ADAMTS17: variants seen among roughly 807,000 people sequenced by gnomAD.
ADAMTS17 encodes the protein ADAM metallopeptidase with thrombospondin type 1 motif 17.
A neutral mutation model predicts 141.5 loss-of-function variants in ADAMTS17; 113 were observed. That is an observed-to-expected ratio of 0.80 (90% confidence interval 0.69 to 0.93). The LOEUF (loss-of-function observed/expected upper bound fraction) is 0.93, where lower values mean the gene tolerates loss of function less well. ADAMTS17 is among the 40% of genes least tolerant of loss of function. The pLI, the probability that ADAMTS17 is intolerant of heterozygous loss-of-function variation, is 0.00. For missense variants in ADAMTS17, 1,659 were observed against 1,517.9 expected (o/e 1.09, Z -1.54); for synonymous variants, 768 against 630.6 (o/e 1.22, Z -3.27).
intron 8 of ADAMTS17, among the ~76,000 whole-genome samples, chr15:100,177,635 T>C (rs550673677): frequency 6.6e-6 from 1 of 152,304 alleles, no homozygotes; most frequent in African/African-American, 2.4e-5. Context: ...TTGGATGAAG[T>C]GTTCTATAAA....
At chr15:100,073,445 T>G (rs1405554909) in intron 15 of ADAMTS17, among the ~76,000 whole-genome samples, 6 of 152,114 alleles carry the variant, frequency 3.9e-5, no homozygotes, top group Non-Finnish European at 8.8e-5. Context: ...ATCATGCTGT[T>G]ATAAAGACAC....
intron 10 of ADAMTS17, among the ~76,000 whole-genome samples, chr15:100,133,977 G>T (rs2038191561): frequency 6.6e-6 from 1 of 152,198 alleles, no homozygotes; most frequent in South Asian, 2.1e-4. Flanking sequence ...ACTAAAACAG[G>T]AATTGGCATT....
intron 8 of ADAMTS17, among the ~76,000 whole-genome samples, chr15:100,188,876 T>G (rs766958463): frequency 1.3e-5 from 2 of 152,178 alleles, no homozygotes; most frequent in Admixed American, 6.5e-5. Flanking sequence ...AGCCAGGGTA[T>G]GAAAGCTATC....
At chr15:100,235,623 T>C (rs1054414083) in intron 7 of ADAMTS17, among the ~76,000 whole-genome samples, 4 of 152,188 alleles carry the variant, frequency 2.6e-5, no homozygotes, top group African/African-American at 9.6e-5. Context: ...TCCTCATACC[T>C]TCCCAGGTTT....
intron 7 of ADAMTS17, among the ~76,000 whole-genome samples, chr15:100,220,288 CTTTT>C (rs2042092561): frequency 6.6e-6 from 1 of 152,156 alleles, no homozygotes; most frequent in South Asian, 2.1e-4. Flanking sequence ...CCTCCTGTGT[CTTTT>C]TTGTTGAACT....
intron 20 of ADAMTS17, among the ~76,000 whole-genome samples, chr15:99,991,341 C>G (rs547645826): frequency 1.3e-5 from 2 of 152,062 alleles, no homozygotes; most frequent in Non-Finnish European, 2.9e-5. Flanking sequence ...CCAAACAACC[C>G]CATCAAAAAG....
chr15:100,304,907 T>C (rs1012180368), intron 3 of ADAMTS17, among the ~76,000 whole-genome samples: 1 of 152,244 alleles, frequency 6.6e-6, no homozygotes, highest in Non-Finnish European at 1.5e-5. Flanking sequence ...TTTGTAATGA[T>C]CTACTTCCAC....
chr15:100,220,859 C>G (rs1218661342), intron 7 of ADAMTS17, among the ~76,000 whole-genome samples: 1 of 152,200 alleles, frequency 6.6e-6, no homozygotes, highest in Non-Finnish European at 1.5e-5. Context: ...CTTCTTATTG[C>G]CAAATAACAT....
At position 100,320,407 on chromosome 15, in the gene ADAMTS17, T is replaced by C. The variant is rs115926763; in HGVS notation, c.616+10482A>G. The stretch of plus-strand genomic sequence containing the variant: ...CCTGCACAGAGAGAAGGCAGAGCAT[T>C]ACACAGAATCTAAAATCAGAGGGGC... On this transcript the variant is annotated intron_variant, in intron 3 of 21. Transcript: ENST00000268070. 8.3e-3 allele frequency among the ~76,000 whole-genome samples: 1,259 copies of C among 152,248 alleles called. 12 individuals carry two copies. Among genetic ancestry groups the C allele is most frequent in the African/African-American group, 0.029 (1,196 of 41,526 alleles).
intron 2 of ADAMTS17, among the ~76,000 whole-genome samples, chr15:100,331,323 AACT>A (rs2046047794): frequency 6.6e-6 from 1 of 152,132 alleles, no homozygotes; most frequent in African/African-American, 2.4e-5. Context: ...AGAGAAGATG[AACT>A]ACTTCATTAT....
intron 7 of ADAMTS17, among the ~76,000 whole-genome samples, chr15:100,209,103 G>T (rs1425406885): frequency 5.7e-5 from 4 of 70,774 alleles, no homozygotes; most frequent in African/African-American, 2.0e-4. Flanking sequence ...GGAAATATTT[G>T]CCAAGTTAGC....
intron 7 of ADAMTS17, among the ~76,000 whole-genome samples, chr15:100,206,148 G>A (rs539036014): frequency 1.3e-5 from 2 of 152,212 alleles, no homozygotes; most frequent in Non-Finnish European, 2.9e-5. Context: ...GGTGATGAGT[G>A]CCTTGGAGTT....
intron 7 of ADAMTS17, among the ~76,000 whole-genome samples, chr15:100,205,907 C>T (rs1199054860): frequency 1.3e-5 from 2 of 152,142 alleles, no homozygotes; most frequent in African/African-American, 4.8e-5. Flanking sequence ...TGCCAGGGAC[C>T]GAGCCCAGGT....
intron 15 of ADAMTS17, among the ~76,000 whole-genome samples, chr15:100,092,421 G>T (rs760458353): frequency 2.0e-5 from 3 of 152,232 alleles, no homozygotes; most frequent in Non-Finnish European, 2.9e-5. Context: ...GTAACATCCA[G>T]CATCTTACAT....
At chr15:100,239,039 G>A (rs900517591) in intron 7 of ADAMTS17, among the ~76,000 whole-genome samples, 6 of 152,202 alleles carry the variant, frequency 3.9e-5, no homozygotes, top group Admixed American at 1.3e-4. Flanking sequence ...GCAGTGAGCC[G>A]AGATCACGCC....
rs2060270409 is a variant in ADAMTS17 at position 99,974,198 on chromosome 15, C to T, written c.*204G>A. Reference sequence around the variant, plus strand: ...CTTTGTGACTCATGCCTACTTTCTCCTCACTGTAGAAAGCCAGCCAGTGGC... The same window carrying T: ...CTTTGTGACTCATGCCTACTTTCTCTTCACTGTAGAAAGCCAGCCAGTGGC... On this transcript the variant is annotated 3_prime_UTR_variant, in exon 22 of 22. Coordinates refer to ENST00000268070, the MANE Select transcript of ADAMTS17 (RefSeq NM_139057.4). 1 of 638,214 alleles carries T rather than the reference C, an allele frequency of 1.6e-6. No homozygotes were observed. Among genetic ancestry groups the T allele is most frequent in the Non-Finnish European group, 2.7e-6 (1 of 369,402 alleles). 39.5% of individuals were successfully genotyped at this position (638,214 alleles called of 1,614,324 possible).
chr15:100,139,618 C>T (rs926781675), intron 10 of ADAMTS17, among the ~76,000 whole-genome samples: 1 of 152,202 alleles, frequency 6.6e-6, no homozygotes, highest in Non-Finnish European at 1.5e-5. Flanking sequence ...TGCCAGGTAA[C>T]AGCTTAGCTA....
In ADAMTS17 at chr15:99,976,178, C is replaced by G; in HGVS notation, c.2994G>C (p.Gln998His). 1 of 1,549,964 alleles carries G rather than the reference C, an allele frequency of 6.5e-7. No individual in the cohort carries two copies. The highest frequency in any genetic ancestry group is 8.7e-7 in the Non-Finnish European group (1 of 1,147,002). Residue 998 changes from glutamine (Q) to histidine (H), a missense_variant, in exon 21 of 22, where the codon CAG (glutamine) becomes CAC (histidine). Coordinates refer to ENST00000268070, the MANE Select transcript of ADAMTS17 (RefSeq NM_139057.4). ...GGCGCCCTGTGACCTTGTGCATGCA[C>G]TGCACCACCCGGGACTGCAGGCCCT... is the stretch of plus-strand genomic sequence containing the variant. ...CGKGLQSRVV[Q>H]CMHKVTGRHG...
intron 3 of ADAMTS17, among the ~76,000 whole-genome samples, chr15:100,327,153 G>C (rs2045925185): frequency 6.6e-6 from 1 of 152,170 alleles, no homozygotes; most frequent in African/African-American, 2.4e-5. Context: ...GGAACACTAG[G>C]CATAATTGGT....
Sources: allele counts gnomAD v4.1 joint callset (sites outside exome capture counted in the v4.1 genomes callset), GRCh38; gene constraint gnomAD v4.1.1; transcripts MANE v1.5; gene names NCBI Gene and HGNC (gene_info 2026-07-23, HGNC 2026-07-21).